SANBR: variants seen among roughly 807,000 people sequenced by gnomAD.
SANBR encodes the protein SANT and BTB domain regulator of CSR.
Under a neutral mutation model 101.8 loss-of-function variants are expected in SANBR, and 77 were observed. The observed-to-expected ratio is 0.76, with a 90% CI of 0.63 to 0.91. SANBR has a LOEUF of 0.91. SANBR is among the 40% of genes least tolerant of loss of function. The pLI, the probability that SANBR is intolerant of heterozygous loss-of-function variation, is 0.00. For synonymous variants in SANBR, 279 were observed against 274.7 expected (o/e 1.02, Z -0.15); for missense variants, 875 against 853.0 (o/e 1.03, Z -0.32).
chr2:61,086,024 G>C (rs1251750006), intron 8 of SANBR, among the ~76,000 whole-genome samples: 2 of 152,084 alleles, frequency 1.3e-5, no homozygotes, highest in Non-Finnish European at 2.9e-5. Context: ...GATCAATTTA[G>C]GAAGATTTAA....
intron 6 of SANBR, among the ~76,000 whole-genome samples, chr2:61,080,580 G>A (rs769938817): frequency 1.2e-4 from 19 of 152,248 alleles, no homozygotes; most frequent in Non-Finnish European, 1.9e-4. Flanking sequence ...AATTAGCTGC[G>A]TGTGGTGGTG....
At chr2:61,112,659 A>G (rs1683888447) in intron 16 of SANBR, among the ~76,000 whole-genome samples, 2 of 151,996 alleles carry the variant, frequency 1.3e-5, no homozygotes, top group Non-Finnish European at 2.9e-5. Flanking sequence ...ACACTGGGCT[A>G]CTTTTTGTAT....
At chr2:61,080,855 C>T (rs569750514) in intron 6 of SANBR, among the ~76,000 whole-genome samples, 12 of 152,142 alleles carry the variant, frequency 7.9e-5, no homozygotes, top group Non-Finnish European at 7.4e-5. Context: ...TGTAATGATG[C>T]AAAACAGAGT....
Position 61,092,484 on chromosome 2 carries a change from A to G in SANBR, c.1109A>G (p.His370Arg), listed in dbSNP as rs748362315. 1 of 1,596,034 alleles carries G rather than the reference A, an allele frequency of 6.3e-7. No individual in the cohort carries two copies. Among genetic ancestry groups the G allele is most frequent in the Non-Finnish European group, 8.5e-7 (1 of 1,172,128 alleles). ...TCCAGAGATAAGACATGGGATGTTC[A>G]TGAGTATTTGAATAGTCTTTTCGAA... ...IHIRDKTWDV[H>R]EYLNSLFEEL... Residue 370 changes from histidine (H) to arginine (R), a missense_variant, in exon 11 of 22, where the codon CAT becomes CGT. By Grantham distance (29) the His-to-Arg change is conservative (BLOSUM62 0). Coordinates refer to ENST00000402291, the MANE Select transcript of SANBR (RefSeq NM_001129993.3).
chr2:61,118,778 T>C (rs551146180), intron 20 of SANBR, among the ~76,000 whole-genome samples: 1 of 152,134 alleles, frequency 6.6e-6, no homozygotes, highest in South Asian at 2.1e-4. Flanking sequence ...GCCAGGCTGG[T>C]CTTGAGCTTT....
rs186341065 is a variant in SANBR at position 61,070,198 on chromosome 2, T to C, written c.-9-144T>C. On this transcript the variant is annotated intron_variant, in intron 2 of 21. Coordinates refer to ENST00000402291, the MANE Select transcript of SANBR (RefSeq NM_001129993.3). ...CTTTTTTGTGAAGAGATTTAGGCTA[T>C]ACTATGTTTATTTTAGGTCAGTTTT... The C allele has an allele frequency of 7.0e-5, 35 of 502,812 alleles. 1 individual carries two copies. Among genetic ancestry groups the C allele is most frequent in the Admixed American group, 6.5e-4 (15 of 23,222 alleles). 31.1% of individuals were successfully genotyped at this position (502,812 alleles called of 1,614,324 possible).
rs915189671 is a variant in SANBR, at chr2:61,081,453, G to C, written c.672G>C (p.Glu224Asp). The C allele has an allele frequency of 7.2e-5, 113 of 1,568,666 alleles. No individual in the cohort carries two copies. Among genetic ancestry groups the C allele is most frequent in the Non-Finnish European group, 9.4e-5 (109 of 1,161,484 alleles). The change falls in exon 7 of 22, where the codon GAG becomes GAC. Residue 224 changes from glutamate to aspartate, a missense_variant and splice_region_variant. Transcript: ENST00000402291. Reference sequence around the variant, plus strand: ...AATCTAATTTTTTTTTTTTTTTAGAGCCAGGAAATGTCATTTCAATTCTTA... The same window carrying C: ...AATCTAATTTTTTTTTTTTTTTAGACCCAGGAAATGTCATTTCAATTCTTA... ...ENKDCEMPTL[E>D]PGNVISILIS...
intron 15 of SANBR, 34 bp from the exon 16 acceptor site, chr2:61,109,163 T>A: frequency 9.5e-7 from 1 of 1,056,688 alleles, no homozygotes; most frequent in South Asian, 2.0e-5. Flanking sequence ...AAAATCATAA[T>A]ATTACATTTA....
At chr2:61,128,292 C>T (rs1684575905), downstream of SANBR, among the ~76,000 whole-genome samples, 1 of 151,326 alleles carries the variant, frequency 6.6e-6, no homozygotes, top group South Asian at 2.1e-4. Flanking sequence ...AAAAAGAATC[C>T]TTACTTACAA....
At chr2:61,109,411 G>GA (rs1683715214) in intron 16 of SANBR, 115 bp downstream of exon 16, 9 of 499,864 alleles carry the variant, frequency 1.8e-5, no homozygotes, top group East Asian at 3.2e-5. Flanking sequence ...TTGCAACATA[G>GA]AAAAAAAATT....
chr2:61,129,773 C>T (rs1349124476), intron 20 of SANBR, among the ~76,000 whole-genome samples: 2 of 151,146 alleles, frequency 1.3e-5, no homozygotes, highest in Non-Finnish European at 2.9e-5. Flanking sequence ...TATTTATAGG[C>T]TAATGCAATA....
At chr2:61,073,418 CA>C in intron 4 of SANBR, 39 bp from the exon 5 acceptor site, 1 of 1,022,686 alleles carries the variant, frequency 9.8e-7, no homozygotes, top group Non-Finnish European at 1.5e-6. Flanking sequence ...CACTAACCCC[CA>C]CCTTTTTTTT....
chr2:61,067,527 G>A (rs1681240785), intron 1 of SANBR, among the ~76,000 whole-genome samples: 2 of 152,192 alleles, frequency 1.3e-5, no homozygotes, highest in South Asian at 2.1e-4. Flanking sequence ...CACGAGGTCA[G>A]GAGATCGAGA....
At chr2:61,087,819 C>G (rs1428674410) in intron 8 of SANBR, among the ~76,000 whole-genome samples, 1 of 151,484 alleles carries the variant, frequency 6.6e-6, no homozygotes, top group East Asian at 1.9e-4. Flanking sequence ...CTGTTGAACT[C>G]CAGCCTGGGC....
chr2:61,115,700 C>A, intron 16 of SANBR: 1 of 204,226 alleles, frequency 4.9e-6, no homozygotes. Context: ...TGCAGTGAGC[C>A]GAGATCATGC....
chr2:61,117,506 C>T lies in SANBR; in HGVS notation c.1905C>T (p.Ser635=), dbSNP rs763631555. ...AGAATAAGTGGGATGCCACAAGATC[C>T]TTGAGATTCAACCAGGATGCACAAA... The part of the protein sequence containing the change: ...MQKNKWDATR[S]LRFNQDAQRE... Residue 635 remains serine (S), a synonymous_variant, in exon 19 of 22, where the codon TCC becomes TCT. Coordinates refer to ENST00000402291, the MANE Select transcript of SANBR (RefSeq NM_001129993.3). 6 of 1,613,720 alleles carry T rather than the reference C, an allele frequency of 3.7e-6. No individual in the cohort carries two copies. Among genetic ancestry groups the T allele is most frequent in the Non-Finnish European group, 5.1e-6 (6 of 1,179,906 alleles).
At chr2:61,091,059 A>G (rs949466643) in intron 10 of SANBR, among the ~76,000 whole-genome samples, 1 of 152,074 alleles carries the variant, frequency 6.6e-6, no homozygotes, top group Non-Finnish European at 1.5e-5. Context: ...TCTCTGGCCT[A>G]AAATTACTTT....
rs375889439 is a variant in SANBR, at chr2:61,106,625, A to G, written c.1574A>G (p.Asn525Ser). Residue 525 changes from asparagine (N) to serine (S), a missense_variant, in exon 14 of 22, where the codon AAT (asparagine) becomes AGT (serine). Coordinates refer to ENST00000402291, the MANE Select transcript of SANBR (RefSeq NM_001129993.3). ...GAATGTGATGTTTTACTGGAGCCAA[A>G]TACACCATGGGGTCCCAAAACTGGG... ...GIECDVLLEP[N>S]TPWGPKTGEL... The G allele has an allele frequency of 4.2e-5, 67 of 1,600,642 alleles. No individual in the cohort carries two copies. Among genetic ancestry groups the G allele is most frequent in the Non-Finnish European group, 5.0e-5 (59 of 1,175,816 alleles).
intron 19 of SANBR, 144 bp from the exon 20 acceptor site, chr2:61,117,884 T>C: frequency 1.5e-6 from 1 of 672,020 alleles, no homozygotes; most frequent in South Asian, 2.1e-5. Flanking sequence ...ACTTAAATTC[T>C]TCACAGATAT....
Sources: allele counts gnomAD v4.1 joint callset (sites outside exome capture counted in the v4.1 genomes callset), GRCh38; gene constraint gnomAD v4.1.1; transcripts MANE v1.5; gene names NCBI Gene and HGNC (gene_info 2026-07-23, HGNC 2026-07-21).